Variants in KHDRBS2 observed in about 807,000 individuals in gnomAD.
KHDRBS2 encodes the protein KH RNA binding domain containing, signal transduction associated 2, also known as KH domain-containing, RNA-binding, signal transduction-associated protein 2.
Under a neutral mutation model 44.3 loss-of-function variants are expected in KHDRBS2, and 26 were observed. The observed-to-expected ratio is 0.59, with a 90% CI of 0.43 to 0.81. The LOEUF (loss-of-function observed/expected upper bound fraction) is 0.81. Among genes scored for constraint, KHDRBS2 ranks in the 40% least tolerant of loss-of-function variants. The pLI is 0.00. For missense variants in KHDRBS2, 476 were observed against 433.1 expected, an observed-to-expected ratio of 1.10 and a Z score of -0.88; for synonymous variants, 194 against 151.1, an observed-to-expected ratio of 1.28 and a Z score of -2.08.
At chr6:61,783,115 C>T (rs1304147641) in intron 6 of KHDRBS2, among the ~76,000 whole-genome samples, 1 of 152,034 alleles carries the variant, frequency 6.6e-6, no homozygotes, top group Non-Finnish European at 1.5e-5. Flanking sequence ...AGCTACCACA[C>T]TTTCAAGAGA....
the KHDRBS2 span, among the ~76,000 whole-genome samples, chr6:61,572,352 T>G: frequency 6.6e-6 from 1 of 151,914 alleles, no homozygotes; most frequent in African/African-American, 2.4e-5. Flanking sequence ...AAATAAAAGT[T>G]CAGGACCAGA....
intron 2 of KHDRBS2, among the ~76,000 whole-genome samples, chr6:62,072,688 A>G (rs1217887194): frequency 6.6e-6 from 1 of 152,166 alleles, no homozygotes; most frequent in East Asian, 1.9e-4. Context: ...CCAGGGATGA[A>G]GTCCACTTGA....
chr6:61,913,348 T>C (rs1415495330), intron 4 of KHDRBS2, among the ~76,000 whole-genome samples: 1 of 151,844 alleles, frequency 6.6e-6, no homozygotes, highest in African/African-American at 2.4e-5. Flanking sequence ...AGATGTGGAG[T>C]ACTGGAACAA....
At chr6:61,761,013 G>A (rs1779189225) in intron 6 of KHDRBS2, among the ~76,000 whole-genome samples, 1 of 152,178 alleles carries the variant, frequency 6.6e-6, no homozygotes, top group South Asian at 2.1e-4. Flanking sequence ...AGGGTTGAAA[G>A]GTATTGAAAA....
chr6:62,070,148 G>C (rs1794651514), intron 2 of KHDRBS2, among the ~76,000 whole-genome samples: 1 of 151,620 alleles, frequency 6.6e-6, no homozygotes, highest in Non-Finnish European at 1.5e-5. Context: ...GCATCCCTGA[G>C]AGGTCCCTCT....
At chr6:61,997,724 C>A (rs1236210184) in intron 3 of KHDRBS2, among the ~76,000 whole-genome samples, 4 of 152,156 alleles carry the variant, frequency 2.6e-5, no homozygotes, top group African/African-American at 9.7e-5. Flanking sequence ...ATCATATATA[C>A]TGACTCTGGA....
rs1461328949 is a variant in KHDRBS2 at position 62,064,681 on chromosome 6, G to C, written c.220-16687C>G. On this transcript the variant is annotated intron_variant, in intron 2 of 8. Transcript: ENST00000281156. ...TAGACCTAAAACCATAAAAACCCTA[G>C]AAGAAAACCTAGGCATTACCATTCA... Among the ~76,000 whole-genome samples, 3 of 151,944 alleles carry C rather than the reference G, an allele frequency of 2.0e-5. No individual in the cohort carries two copies. In the East Asian group the frequency reaches 5.8e-4, roughly 29 times the overall value.
At chr6:61,708,347 G>C (rs1056515776) in intron 7 of KHDRBS2, among the ~76,000 whole-genome samples, 2 of 151,320 alleles carry the variant, frequency 1.3e-5, no homozygotes, top group East Asian at 1.9e-4. Flanking sequence ...TGATCATTTT[G>C]TGTACTAAAA....
intron 2 of KHDRBS2, among the ~76,000 whole-genome samples, chr6:62,081,680 CT>C (rs1797426682): frequency 1.3e-5 from 2 of 152,046 alleles, no homozygotes; most frequent in South Asian, 4.1e-4. Context: ...CAGAACATAT[CT>C]TTATGTAAAT....
intron 4 of KHDRBS2, among the ~76,000 whole-genome samples, chr6:61,911,815 C>T (rs1806098792): frequency 6.6e-6 from 1 of 151,822 alleles, no homozygotes; most frequent in Admixed American, 6.6e-5. Flanking sequence ...ACAATATTGC[C>T]ATGAATGCCA....
chr6:62,097,576 T>A (rs1800899867), intron 2 of KHDRBS2, among the ~76,000 whole-genome samples: 1 of 152,070 alleles, frequency 6.6e-6, no homozygotes, highest in Admixed American at 6.5e-5. Flanking sequence ...CATTTCCATG[T>A]GTATCTTCTT....
chr6:61,704,465 C>T (rs2078979734), intron 7 of KHDRBS2, among the ~76,000 whole-genome samples: 1 of 151,716 alleles, frequency 6.6e-6, no homozygotes, highest in Admixed American at 6.6e-5. Context: ...AACCAAGTCC[C>T]AGAGGCAAGA....
intron 2 of KHDRBS2, among the ~76,000 whole-genome samples, chr6:62,130,333 G>A (rs1465952975): frequency 6.6e-6 from 1 of 152,168 alleles, no homozygotes; most frequent in African/African-American, 2.4e-5. Flanking sequence ...CCGCTGCATA[G>A]TGCAGGATTC....
chr6:61,597,058 C>T, the KHDRBS2 span, among the ~76,000 whole-genome samples: 10 of 152,212 alleles, frequency 6.6e-5, no homozygotes, highest in South Asian at 4.1e-4. Context: ...AGACAAAGAA[C>T]GGCATAGGTA....
intron 2 of KHDRBS2, among the ~76,000 whole-genome samples, chr6:62,088,302 T>G (rs988648282): frequency 2.0e-5 from 3 of 152,204 alleles, no homozygotes; most frequent in Admixed American, 2.0e-4. Flanking sequence ...ATTTTCAGCC[T>G]TTTTTGGGCT....
the KHDRBS2 span, among the ~76,000 whole-genome samples, chr6:61,631,135 C>T: frequency 6.6e-6 from 1 of 151,824 alleles, no homozygotes; most frequent in African/African-American, 2.4e-5. Flanking sequence ...TTTTTGGCAT[C>T]AGGATCAGCA....
chr6:62,089,590 T>C (rs764805264), intron 2 of KHDRBS2, among the ~76,000 whole-genome samples: 4 of 152,054 alleles, frequency 2.6e-5, no homozygotes, highest in Non-Finnish European at 5.9e-5. Flanking sequence ...AGATGAACCG[T>C]GTACCTCAGT....
At chr6:62,119,649 G>A (rs540781590) in intron 2 of KHDRBS2, among the ~76,000 whole-genome samples, 3 of 152,282 alleles carry the variant, frequency 2.0e-5, no homozygotes, top group East Asian at 3.9e-4. Context: ...AGCTGGGGAC[G>A]CTAAGCTTGT....
chr6:62,068,090 T>C (rs955328286), intron 2 of KHDRBS2, among the ~76,000 whole-genome samples: 1 of 151,540 alleles, frequency 6.6e-6, no homozygotes, highest in Non-Finnish European at 1.5e-5. Flanking sequence ...GAATTCTAAG[T>C]TTAACATTTT....
Sources: gnomAD v4.1 joint callset for allele counts (sites outside exome capture counted in the v4.1 genomes callset) on GRCh38, gnomAD v4.1.1 for gene constraint, MANE v1.5 for transcripts, NCBI Gene and HGNC (gene_info 2026-07-23, HGNC 2026-07-21) for gene names.